Variants in NFKBIZ observed in about 807,000 individuals in gnomAD.
The protein encoded by NFKBIZ is NFKB inhibitor zeta.
NFKBIZ carries 19 observed loss-of-function variants against 76.8 expected under a neutral mutation model. The observed-to-expected ratio is 0.25, with a 90% CI of 0.17 to 0.36. The LOEUF (loss-of-function observed/expected upper bound fraction) is 0.36. Among genes scored for constraint, NFKBIZ ranks in the 10% least tolerant of loss-of-function variants. The pLI is 1.00. For synonymous variants in NFKBIZ, 368 were observed against 354.8 expected, an observed-to-expected ratio of 1.04 and a Z score of -0.42; for missense variants, 829 against 910.9, an observed-to-expected ratio of 0.91 and a Z score of 1.16.
upstream of NFKBIZ, among the ~76,000 whole-genome samples, chr3:101,847,361 A>C (rs377695052): frequency 2.3e-4 from 35 of 152,220 alleles, no homozygotes; most frequent in Middle Eastern, 3.4e-3. Flanking sequence ...TTTCTTTTTT[A>C]TTTTTTAAAG....
chr3:101,855,737 G>A lies in NFKBIZ; in HGVS notation c.1659G>A (p.Leu553=), dbSNP rs780145459. The A allele has an allele frequency of 1.3e-6, 2 of 1,589,284 alleles. No homozygotes were observed. The highest frequency in any genetic ancestry group is 1.7e-6 in the Non-Finnish European group (2 of 1,170,542). ...TTGATTATACTTTTCTTCTAGGCCT[G>A]ACTCCCCTTCACTGTGCAGTCATAG... The part of the protein sequence containing the change: ...VDLEATNYDG[L]TPLHCAVIAH... The change falls in exon 9 of 12, where the codon CTG becomes CTA. Residue 553 remains leucine, a synonymous_variant. Coordinates refer to ENST00000326172, the MANE Select transcript of NFKBIZ (RefSeq NM_031419.4).
chr3:101,852,678 G>A (rs891472379), intron 2 of NFKBIZ, 60 bp from the exon 3 acceptor site: 2 of 1,145,422 alleles, frequency 1.7e-6, no homozygotes, highest in Non-Finnish European at 2.6e-6. Flanking sequence ...CCTACTTACT[G>A]ATGTATATTA....
chr3:101,855,799 A>G lies in NFKBIZ; in HGVS notation c.1721A>G (p.Gln574Arg), dbSNP rs989822012. 1 of 1,614,004 alleles carries G rather than the reference A, an allele frequency of 6.2e-7. No homozygotes were observed. Among genetic ancestry groups the G allele is most frequent in the African/African-American group, 1.3e-5 (1 of 74,910 alleles). The change falls in exon 9 of 12, where the codon CAA (glutamine) becomes CGA (arginine). Residue 574 changes from glutamine to arginine, a missense_variant. Around this residue, in one of 4 missense-constraint regions of NFKBIZ, gnomAD observed 272 missense variants for 384.2 expected, o/e 0.71. Coordinates refer to ENST00000326172, the MANE Select transcript of NFKBIZ (RefSeq NM_031419.4). ...GTGGTCCATGAACTCCAGAGAAATC[A>G]ACAGCCTCATTCACCTGAAGTTCAG... ...NAVVHELQRN[Q>R]QPHSPEVQEL...
At chr3:101,858,291 T>C in intron 11 of NFKBIZ, 1 of 964,318 alleles carries the variant, frequency 1.0e-6, no homozygotes, top group South Asian at 4.8e-5. Context: ...CTCTTTGTAA[T>C]TTAGAAAGAA....
intron 2 of NFKBIZ, among the ~76,000 whole-genome samples, chr3:101,835,209 T>C (rs1942702787): frequency 6.6e-6 from 1 of 152,196 alleles, no homozygotes; most frequent in African/African-American, 2.4e-5. Context: ...TGGATGGTTA[T>C]TAAGTGAATG....
chr3:101,840,582 G>A (rs1942774617), intron 2 of NFKBIZ, among the ~76,000 whole-genome samples: 1 of 152,192 alleles, frequency 6.6e-6, no homozygotes, highest in African/African-American at 2.4e-5. Context: ...TGTTAAAGGG[G>A]AAGAAAAATT....
In NFKBIZ at chr3:101,853,666, C is replaced by A. The variant is rs36003810; in HGVS notation, c.1140C>A (p.Ser380Arg). 7.4e-6 allele frequency: 12 copies of A among 1,614,182 alleles called. No individual in the cohort carries two copies. In the South Asian group the frequency reaches 9.9e-5, roughly 13 times the overall value. ...HLHSFSMMPS[S>R]ACEAMVGHEM... ...ACAGCTTCAGCATGATGCCCAGCAG[C>A]GCCTGTGAGGCCATGGTGGGGCACG... Residue 380 changes from serine to arginine, a missense_variant, in exon 5 of 12, where the codon AGC becomes AGA. Physicochemically the swap from Ser to Arg is moderately radical, Grantham distance 110. This residue lies in a region of NFKBIZ where 371 missense variants were observed against 332.3 expected (regional missense o/e 1.12). Coordinates refer to ENST00000326172, the MANE Select transcript of NFKBIZ (RefSeq NM_031419.4).
At chr3:101,840,692 G>T (rs898305525) in intron 2 of NFKBIZ, among the ~76,000 whole-genome samples, 2 of 152,204 alleles carry the variant, frequency 1.3e-5, no homozygotes, top group Non-Finnish European at 2.9e-5. Context: ...GTGATTCAGG[G>T]TCTGTTTATA....
chr3:101,851,950 A>G, intron 1 of NFKBIZ, 135 bp from the exon 2 acceptor site: 2 of 1,002,798 alleles, frequency 2.0e-6, no homozygotes, highest in Non-Finnish European at 2.9e-6. Flanking sequence ...GATTGACCAG[A>G]GCAAGTTGGA....
At position 101,849,668 on chromosome 3, in the gene NFKBIZ, G is replaced by C. The variant is rs748115613; in HGVS notation, c.40G>C (p.Glu14Gln). Residue 14 changes from glutamate to glutamine, a missense_variant, in exon 1 of 12, where the codon GAG becomes CAG. By Grantham distance (29) the Glu-to-Gln change is conservative. This residue lies in a region of NFKBIZ where 181 missense variants were observed against 175.3 expected (regional missense o/e 1.03). Coordinates refer to ENST00000326172, the MANE Select transcript of NFKBIZ (RefSeq NM_031419.4). ...GCTGCTGGACGACAGCCGCGGCGGA[G>C]AGGGGCTGCGGGACGCGGCGGGCGG... ...DKLLDDSRGG[E>Q]GLRDAAGGCG... The C allele has an allele frequency of 5.7e-6, 8 of 1,403,226 alleles. No individual in the cohort carries two copies. In the African/African-American group the frequency reaches 1.0e-4, roughly 18 times the overall value. 86.9% of individuals were successfully genotyped at this position (1,403,226 alleles called of 1,614,324 possible). A position where few individuals can be genotyped will look rare whatever the true frequency, so the allele number is the denominator to read the frequency against.
At chr3:101,852,651 AGGGTGG>A in intron 2 of NFKBIZ, 81 bp from the exon 3 acceptor site, 2 of 834,884 alleles carry the variant, frequency 2.4e-6, no homozygotes, top group Non-Finnish European at 3.9e-6. Context: ...TAAGCTATAA[AGGGTGG>A]TAGAGATAAG....
upstream of NFKBIZ, chr3:101,848,879 A>C (rs550898238): frequency 1.4e-4 from 22 of 152,362 alleles, no homozygotes; most frequent in African/African-American, 4.8e-4. Context: ...AAATGCTCCA[A>C]CATCTCTTTC....
At chr3:101,847,093 C>G (rs566466880), upstream of NFKBIZ, among the ~76,000 whole-genome samples, 1 of 152,254 alleles carries the variant, frequency 6.6e-6, no homozygotes, top group Non-Finnish European at 1.5e-5. Flanking sequence ...AATGCCTGCC[C>G]GCATTGGCGA....
In NFKBIZ at chr3:101,855,804, C is replaced by T; in HGVS notation, c.1726C>T (p.Pro576Ser). The change falls in exon 9 of 12, where the codon CCT (proline) becomes TCT (serine). Residue 576 changes from proline (P) to serine (S), a missense_variant. Around this residue, in one of 4 missense-constraint regions of NFKBIZ, gnomAD observed 272 missense variants for 384.2 expected, o/e 0.71. Transcript: ENST00000326172. ...VVHELQRNQQ[P>S]HSPEVQELLL... is the part of the protein sequence containing the mutation. The stretch of plus-strand genomic sequence containing the variant: ...CCATGAACTCCAGAGAAATCAACAG[C>T]CTCATTCACCTGAAGTTCAGGAGCT... The T allele has an allele frequency of 3.1e-6, 5 of 1,614,036 alleles. No homozygotes were observed. The highest frequency in any genetic ancestry group is 4.2e-6 in the Non-Finnish European group (5 of 1,179,964).
Position 101,853,356 on chromosome 3 carries a change from C to T in NFKBIZ, c.830C>T (p.Ser277Phe), listed in dbSNP as rs1234727275. The T allele has an allele frequency of 1.2e-6, 2 of 1,614,092 alleles. No homozygotes were observed. Among genetic ancestry groups the T allele is most frequent in the African/African-American group, 2.7e-5 (2 of 75,006 alleles). The change falls in exon 5 of 12, where the codon TCC becomes TTC. Residue 277 changes from serine (S) to phenylalanine (F), a missense_variant. Coordinates refer to ENST00000326172, the MANE Select transcript of NFKBIZ (RefSeq NM_031419.4). ...QKCQPFQVRG[S>F]QQMIDQASLY... ...TGCCAACCATTCCAAGTCAGGGGCT[C>T]CCAACAAATGATAGACCAGGCTTCC... is the stretch of plus-strand genomic sequence containing the variant.
At position 101,853,390 on chromosome 3, in the gene NFKBIZ, G is replaced by C. The variant is rs1196591716; in HGVS notation, c.864G>C (p.Gln288His). The C allele has an allele frequency of 6.2e-7, 1 of 1,613,978 alleles. No individual in the cohort carries two copies. Among genetic ancestry groups the C allele is most frequent in the Non-Finnish European group, 8.5e-7 (1 of 1,180,036 alleles). ...QQMIDQASLY[Q>H]YSPQNQHVEQ... is the part of the protein sequence containing the mutation. ...TGATAGACCAGGCTTCCCTGTACCA[G>C]TATTCTCCACAGAACCAGCATGTAG... The change falls in exon 5 of 12, where the codon CAG (glutamine) becomes CAC (histidine). Residue 288 changes from glutamine to histidine, a missense_variant. Around this residue, in one of 4 missense-constraint regions of NFKBIZ, gnomAD observed 371 missense variants for 332.3 expected, o/e 1.12. Coordinates refer to ENST00000326172, the MANE Select transcript of NFKBIZ (RefSeq NM_031419.4).
At chr3:101,831,178 A>T (rs9841857) in intron 2 of NFKBIZ, among the ~76,000 whole-genome samples, 27,596 of 152,204 alleles carry the variant, frequency 0.18, 3,198 homozygotes, top group Middle Eastern at 0.29. Context: ...ACTGTAAATC[A>T]TGCGTTCTTA....
At chr3:101,835,444 C>G (rs1383031382) in intron 2 of NFKBIZ, among the ~76,000 whole-genome samples, 1 of 152,200 alleles carries the variant, frequency 6.6e-6, no homozygotes, top group Non-Finnish European at 1.5e-5. Flanking sequence ...CACAATACCA[C>G]AGGCTGCGTG....
rs756636549 is a variant in NFKBIZ, at chr3:101,857,088, C to T, written c.1840C>T (p.Arg614Cys). ...CTTTGACAAGGATCGCAAAAGTGGC[C>T]GCACAGCCCTGCATTTGGCAGCTGA... ...AVEAKDRKSGRTALHLAAEEA... is the reference protein window; with the variant it reads ...AVEAKDRKSGCTALHLAAEEA... The change falls in exon 10 of 12, where the codon CGC becomes TGC. Residue 614 changes from arginine (R) to cysteine (C), a missense_variant. Transcript: ENST00000326172. 4.3e-6 allele frequency: 7 copies of T among 1,611,820 alleles called. No homozygotes were observed. Among genetic ancestry groups the T allele is most frequent in the African/African-American group, 2.7e-5 (2 of 74,708 alleles).
Sources: gnomAD v4.1 joint callset for allele counts (sites outside exome capture counted in the v4.1 genomes callset) on GRCh38, gnomAD v4.1.1 for gene constraint, gnomAD v4.1.1 regional missense constraint, MANE v1.5 for transcripts, NCBI Gene and HGNC (gene_info 2026-07-23, HGNC 2026-07-21) for gene names.